Variants in SNX16 observed in about 807,000 individuals in gnomAD.
SNX16 encodes sorting nexin-16.
Under a neutral mutation model 36.7 loss-of-function variants are expected in SNX16, and 35 were observed. The observed-to-expected ratio is 0.95, with a 90% CI of 0.73 to 1.27. SNX16 has a LOEUF of 1.27. Ranked by LOEUF, SNX16 falls within the 50% of genes most tolerant of loss-of-function variation. The probability of loss-of-function intolerance (pLI) is 0.00; values close to 1 mark genes in which losing one functional copy is unlikely to be tolerated. For synonymous variants in SNX16, 134 were observed against 132.0 expected, an observed-to-expected ratio of 1.02 and a Z score of -0.10; for missense variants, 367 against 393.6, an observed-to-expected ratio of 0.93 and a Z score of 0.57.
intron 6 of SNX16, among the ~76,000 whole-genome samples, chr8:81,802,797 C>A (rs891893744): frequency 6.6e-6 from 1 of 151,558 alleles, no homozygotes; most frequent in Non-Finnish European, 1.5e-5. Flanking sequence ...TAATGGTATT[C>A]CATTTAATAA....
intron 5 of SNX16, among the ~76,000 whole-genome samples, chr8:81,806,579 C>G (rs1453652955): frequency 6.6e-6 from 1 of 152,076 alleles, no homozygotes; most frequent in African/African-American, 2.4e-5. Context: ...AACTCCATAT[C>G]CAACAGCAAA....
intron 2 of SNX16, among the ~76,000 whole-genome samples, chr8:81,833,552 G>C (rs982943879): frequency 6.6e-6 from 1 of 152,142 alleles, no homozygotes; most frequent in Admixed American, 6.6e-5. Context: ...TAAAAGAAGA[G>C]AGAAGTCGAC....
intron 3 of SNX16, among the ~76,000 whole-genome samples, chr8:81,826,365 C>T (rs1811022397): frequency 6.6e-6 from 1 of 152,080 alleles, no homozygotes; most frequent in Non-Finnish European, 1.5e-5. Context: ...TGGTAAGGTC[C>T]TGCTCTCTCT....
At chr8:81,823,569 TACTG>T (rs1170845036) in intron 4 of SNX16, among the ~76,000 whole-genome samples, 17 of 152,114 alleles carry the variant, frequency 1.1e-4, no homozygotes, top group Non-Finnish European at 1.8e-4. Context: ...TTTTTCACTT[TACTG>T]ACTATTTAAA....
intron 5 of SNX16, among the ~76,000 whole-genome samples, chr8:81,812,766 A>G (rs1046927470): frequency 5.9e-5 from 9 of 152,212 alleles, no homozygotes; most frequent in African/African-American, 1.7e-4. Context: ...ATATTTTCCC[A>G]TTTCTTAAGT....
intron 7 of SNX16, 33 bp from the exon 8 acceptor site, chr8:81,801,626 T>C (rs768686471): frequency 7.8e-7 from 1 of 1,276,550 alleles, no homozygotes; most frequent in South Asian, 1.3e-5. Flanking sequence ...AACATATCAA[T>C]GATGGGACTG....
chr8:81,841,846 C>A (rs1014449250), intron 1 of SNX16: 1 of 152,190 alleles, frequency 6.6e-6, no homozygotes, highest in African/African-American at 2.4e-5. Context: ...AGGCCGGGGT[C>A]TGCGCCGGTC....
chr8:81,812,848 A>G (rs1016608689), intron 5 of SNX16, among the ~76,000 whole-genome samples: 9 of 152,092 alleles, frequency 5.9e-5, no homozygotes, highest in African/African-American at 1.9e-4. Flanking sequence ...AGATATATGT[A>G]AAATAGATAA....
intron 4 of SNX16, among the ~76,000 whole-genome samples, chr8:81,817,695 A>G (rs1025764998): frequency 7.9e-5 from 12 of 152,128 alleles, no homozygotes; most frequent in Admixed American, 3.3e-4. Flanking sequence ...CTCAAACTCT[A>G]TTTTCTTTCT....
intron 5 of SNX16, chr8:81,807,707 T>C (rs1411081749): frequency 6.8e-6 from 4 of 589,456 alleles, no homozygotes; most frequent in South Asian, 3.7e-5. Context: ...GAGGTCAGCT[T>C]GCTCCTTTCT....
chr8:81,841,973 T>C (rs1586032942), intron 1 of SNX16, 149 bp downstream of exon 1: 1 of 152,114 alleles, frequency 6.6e-6, no homozygotes, highest in East Asian at 2.0e-4. Flanking sequence ...GGGTCGGCGG[T>C]GGCCTGAAGG....
At chr8:81,836,905 C>T (rs1376668362) in intron 2 of SNX16, among the ~76,000 whole-genome samples, 1 of 152,190 alleles carries the variant, frequency 6.6e-6, no homozygotes, top group African/African-American at 2.4e-5. Context: ...CCTATGTGAT[C>T]TGTGTGCCAC....
At position 81,803,194 on chromosome 8, in the gene SNX16, C is replaced by T. The variant is rs200142460; in HGVS notation, c.716G>A (p.Arg239His). ...FCETLEETNY[R>H]LQKELLEKQK... ...TTTTTCAAGTAGTTCTTTCTGTAAG[C>T]GGTAGTTTGTCTCTTCTAAAGTTTC... Residue 239 changes from arginine to histidine, a missense_variant, in exon 6 of 8, where the codon CGC becomes CAC. Physicochemically the swap from Arg to His is conservative, Grantham distance 29. Transcript: ENST00000345957. 1.8e-4 allele frequency: 284 copies of T among 1,610,330 alleles called. 2 individuals carry two copies. Among genetic ancestry groups the T allele is most frequent in the South Asian group, 5.9e-4 (53 of 90,546 alleles).
Position 81,822,966 on chromosome 8 carries a change from A to ATATATATGTATATG in SNX16, c.611+825_611+826insCATATACATATATA, listed in dbSNP as rs1554546282. ...CATATACATATATATATATATATAT[A>ATATATATGTATATG]TATATATATACACATATGTGTGTGT... On this transcript the variant is annotated intron_variant, in intron 4 of 7. Transcript: ENST00000345957. 8.7e-4 allele frequency among the ~76,000 whole-genome samples: 110 copies of ATATATATGTATATG among 126,866 alleles called. 1 individual carries two copies. The highest frequency in any genetic ancestry group is 2.9e-3 in the African/African-American group (103 of 35,418). The allele number at this position is 126,866 out of a possible 152,430, so 83.2% of individuals were successfully genotyped here.
At position 81,800,320 on chromosome 8, in the gene SNX16, C is replaced by T. The variant is rs957976363; in HGVS notation, c.*1177G>A. On this transcript the variant is annotated 3_prime_UTR_variant, in exon 8 of 8. Coordinates refer to ENST00000345957, the MANE Select transcript of SNX16 (RefSeq NM_152836.3). Reference sequence around the variant, plus strand: ...GAAAATAGAAAATAAATAACTTCATCCTATAAAAATGAAACAAGGCACTTT... The same window carrying T: ...GAAAATAGAAAATAAATAACTTCATTCTATAAAAATGAAACAAGGCACTTT... The T allele has an allele frequency of 1.3e-5, 2 of 151,816 alleles. No individual in the cohort carries two copies. The highest frequency in any genetic ancestry group is 3.0e-5 in the Non-Finnish European group (2 of 67,746). 9.4% of individuals were successfully genotyped at this position (151,816 alleles called of 1,614,324 possible). A position where few individuals can be genotyped will look rare whatever the true frequency, so the allele number is the denominator to read the frequency against.
intron 6 of SNX16, 40 bp downstream of exon 6, chr8:81,803,052 T>C (rs370745917): frequency 8.4e-6 from 13 of 1,539,370 alleles, no homozygotes; most frequent in Non-Finnish European, 1.1e-5. Context: ...GTATTAAGGG[T>C]TGAATTAGTC....
intron 2 of SNX16, 89 bp downstream of exon 2, chr8:81,839,517 TAAGTAC>T (rs1356441289): frequency 8.4e-7 from 1 of 1,190,588 alleles, no homozygotes; most frequent in Non-Finnish European, 1.2e-6. Flanking sequence ...CAAGAAATTA[TAAGTAC>T]AAGTTTACAT....
rs1811830376 is a variant in SNX16, at chr8:81,842,139, T to C, written c.-114A>G. ...GTCTTTACCTCAGCCCCCTCGGCGA[T>C]CCCGAACGAGCGCGCTTCCCGGTGA... On this transcript the variant is annotated 5_prime_UTR_variant, in exon 1 of 8. Transcript: ENST00000345957. 6.6e-6 allele frequency: 1 copy of C among 150,744 alleles called. No individual in the cohort carries two copies. Among genetic ancestry groups the C allele is most frequent in the Admixed American group, 6.6e-5 (1 of 15,126 alleles). The allele number at this position is 150,744 out of a possible 1,614,324, so 9.3% of individuals were successfully genotyped here. A position where few individuals can be genotyped will look rare whatever the true frequency, so the allele number is the denominator to read the frequency against.
chr8:81,802,396 G>C lies in SNX16; in HGVS notation c.922C>G (p.Leu308Val). 1 of 1,604,770 alleles carries C rather than the reference G, an allele frequency of 6.2e-7. No homozygotes were observed. The highest frequency in any genetic ancestry group is 8.5e-7 in the Non-Finnish European group (1 of 1,175,828). ...ATTATATACCTAGATTCTTCATCCA[G>C]GACATCTTGATCAACCTCAAGTGCA... ...SSALEVDQDV[L>V]DEESRADNKP... The change falls in exon 7 of 8, where the codon CTG (leucine) becomes GTG (valine). Residue 308 changes from leucine (L) to valine (V), a missense_variant. Coordinates refer to ENST00000345957, the MANE Select transcript of SNX16 (RefSeq NM_152836.3).
Sources: gnomAD v4.1 joint callset for allele counts (sites outside exome capture counted in the v4.1 genomes callset) on GRCh38, gnomAD v4.1.1 for gene constraint, MANE v1.5 for transcripts, NCBI Gene and HGNC (gene_info 2026-07-23, HGNC 2026-07-21) for gene names.